SNX25: variants seen among roughly 807,000 people sequenced by gnomAD.
The protein encoded by SNX25 is sorting nexin 25.
Under a neutral mutation model 113.7 loss-of-function variants are expected in SNX25, and 62 were observed. That is an observed-to-expected ratio of 0.55 (90% confidence interval 0.44 to 0.67). The LOEUF is 0.67. SNX25 is among the 30% of genes least tolerant of loss of function. SNX25 has a pLI of 0.00. For synonymous variants in SNX25, 421 were observed against 436.2 expected, an observed-to-expected ratio of 0.97 and a Z score of 0.43; for missense variants, 1,014 against 1,161.0, an observed-to-expected ratio of 0.87 and a Z score of 1.84.
chr4:185,305,189 A>G (rs985835905), intron 6 of SNX25, among the ~76,000 whole-genome samples: 1 of 152,130 alleles, frequency 6.6e-6, no homozygotes, highest in Admixed American at 6.5e-5. Flanking sequence ...ATCTAGTGGT[A>G]GAGGCTAGGC....
At chr4:185,350,269 C>T (rs1361050694) in intron 13 of SNX25, among the ~76,000 whole-genome samples, 1 of 152,184 alleles carries the variant, frequency 6.6e-6, no homozygotes, top group Non-Finnish European at 1.5e-5. Context: ...ATGGACCAAC[C>T]CCTCTGGAAC....
intron 1 of SNX25, among the ~76,000 whole-genome samples, chr4:185,247,082 G>A (rs1433152865): frequency 6.6e-6 from 1 of 152,066 alleles, no homozygotes; most frequent in African/African-American, 2.4e-5. Context: ...TCATTATACT[G>A]TTTTGATATC....
At chr4:185,373,986 T>G, downstream of SNX25, 1 of 671,188 alleles carries the variant, frequency 1.5e-6, no homozygotes, top group Non-Finnish European at 2.5e-6. Flanking sequence ...ATAAAAGGGC[T>G]TTGAGATCCT....
intron 3 of SNX25, among the ~76,000 whole-genome samples, chr4:185,260,172 A>T (rs1039651664): frequency 6.6e-6 from 1 of 151,512 alleles, no homozygotes; most frequent in Non-Finnish European, 1.5e-5. Flanking sequence ...AGACCAACTC[A>T]ATTTTATTTT....
chr4:185,375,761 T>C, the SNX25 span: 5 of 1,431,746 alleles, frequency 3.5e-6, no homozygotes, highest in Non-Finnish European at 4.9e-6. Flanking sequence ...ATTATTTTTA[T>C]TATGATCTTA....
At chr4:185,361,787 A>T in intron 16 of SNX25, 137 bp from the exon 17 acceptor site, 1 of 560,886 alleles carries the variant, frequency 1.8e-6, no homozygotes, top group Admixed American at 3.8e-5. Flanking sequence ...GCCAGAGTTT[A>T]AAAAATCCAA....
chr4:185,323,869 A>G, intron 9 of SNX25, 69 bp downstream of exon 9: 1 of 1,544,378 alleles, frequency 6.5e-7, no homozygotes, highest in South Asian at 1.2e-5. Flanking sequence ...GTGGGTGCAT[A>G]TTGTGTGAGC....
At chr4:185,328,578 C>T (rs144481392) in intron 9 of SNX25, among the ~76,000 whole-genome samples, 22 of 152,170 alleles carry the variant, frequency 1.4e-4, no homozygotes, top group African/African-American at 5.1e-4. Context: ...TTAAGCTGAG[C>T]GCTTTCTTAT....
intron 3 of SNX25, among the ~76,000 whole-genome samples, chr4:185,260,349 G>A (rs900505350): frequency 6.6e-6 from 1 of 152,012 alleles, no homozygotes; most frequent in African/African-American, 2.4e-5. Context: ...CATTTCTATG[G>A]GTTCTATCTA....
intron 15 of SNX25, among the ~76,000 whole-genome samples, chr4:185,354,725 C>T (rs901447642): frequency 1.3e-5 from 2 of 152,178 alleles, no homozygotes; most frequent in African/African-American, 2.4e-5. Context: ...TAGTGTTGAG[C>T]GTTGAATAGG....
intron 2 of SNX25, among the ~76,000 whole-genome samples, chr4:185,255,903 G>T (rs1339281745): frequency 1.3e-5 from 2 of 152,160 alleles, no homozygotes; most frequent in African/African-American, 4.8e-5. Context: ...TGTTTTTGCA[G>T]TTTCATCTGG....
chr4:185,306,103 A>G (rs990729174), intron 6 of SNX25, among the ~76,000 whole-genome samples: 7 of 152,200 alleles, frequency 4.6e-5, no homozygotes, highest in African/African-American at 1.7e-4. Flanking sequence ...GTGTTGTCAC[A>G]CACCCACTCG....
At chr4:185,347,518 T>G (rs985642443) in intron 13 of SNX25, among the ~76,000 whole-genome samples, 1 of 152,144 alleles carries the variant, frequency 6.6e-6, no homozygotes, top group African/African-American at 2.4e-5. Flanking sequence ...TTGCCCAGGC[T>G]GGAGTGCAAT....
chr4:185,220,978 C>G (rs1287357291), intron 1 of SNX25, among the ~76,000 whole-genome samples: 1 of 151,944 alleles, frequency 6.6e-6, no homozygotes, highest in East Asian at 1.9e-4. Context: ...ATCCTCCATG[C>G]CTCACTCCCC....
At chr4:185,306,528 G>A (rs150110823) in intron 6 of SNX25, among the ~76,000 whole-genome samples, 2 of 152,286 alleles carry the variant, frequency 1.3e-5, no homozygotes, top group Middle Eastern at 3.4e-3. Flanking sequence ...TTAGAAAGGC[G>A]TTTTAAGCTC....
chr4:185,348,694 G>A (rs2095300411), intron 13 of SNX25, among the ~76,000 whole-genome samples: 1 of 152,136 alleles, frequency 6.6e-6, no homozygotes, highest in South Asian at 2.1e-4. Flanking sequence ...ACTGTGCCCA[G>A]CCACATTTAT....
chr4:185,287,653 TAGAC>T (rs1751525869), intron 5 of SNX25, among the ~76,000 whole-genome samples: 1 of 152,216 alleles, frequency 6.6e-6, no homozygotes, highest in Non-Finnish European at 1.5e-5. Flanking sequence ...ATCACCTTAT[TAGAC>T]AGTGCCAATG....
chr4:185,205,346 C>A (rs1372478987), upstream of SNX25, among the ~76,000 whole-genome samples: 1 of 151,820 alleles, frequency 6.6e-6, no homozygotes, highest in Non-Finnish European at 1.5e-5. Flanking sequence ...CCCAGCTACT[C>A]GGAAGGCTGA....
intron 6 of SNX25, among the ~76,000 whole-genome samples, chr4:185,289,229 G>A (rs1392448278): frequency 2.6e-5 from 4 of 152,170 alleles, no homozygotes; most frequent in Admixed American, 2.0e-4. Context: ...TCTGCATTCC[G>A]ATTCCCTAAA....
Sources: allele counts gnomAD v4.1 joint callset (sites outside exome capture counted in the v4.1 genomes callset), GRCh38; gene constraint gnomAD v4.1.1; transcripts MANE v1.5; gene names NCBI Gene and HGNC (gene_info 2026-07-23, HGNC 2026-07-21).